ZNF516: variants seen among roughly 807,000 people sequenced by gnomAD.
The protein encoded by ZNF516 is zinc finger protein 516.
Under a neutral mutation model 79.7 loss-of-function variants are expected in ZNF516, and 19 were observed. The observed-to-expected ratio is 0.24, with a 90% CI of 0.17 to 0.35. The LOEUF (loss-of-function observed/expected upper bound fraction) is 0.35, where lower values mean the gene tolerates loss of function less well. Ranked by LOEUF, ZNF516 falls within the 10% of genes least tolerant of loss-of-function variation. The pLI, the probability that ZNF516 is intolerant of heterozygous loss-of-function variation, is 1.00. For missense variants in ZNF516, 1,678 were observed against 1,679.5 expected, an observed-to-expected ratio of 1.00 and a Z score of 0.02; for synonymous variants, 877 against 739.5, an observed-to-expected ratio of 1.19 and a Z score of -3.02.
chr18:76,424,643 C>T (rs1234691831), intron 3 of ZNF516, among the ~76,000 whole-genome samples: 5 of 129,476 alleles, frequency 3.9e-5, no homozygotes, highest in Non-Finnish European at 8.0e-5. Flanking sequence ...CCGAAACACA[C>T]GCAGGTGAAA....
intron 3 of ZNF516, among the ~76,000 whole-genome samples, chr18:76,426,802 A>G (rs1206392098): frequency 6.6e-6 from 1 of 152,248 alleles, no homozygotes; most frequent in Non-Finnish European, 1.5e-5. Flanking sequence ...AGAAAAAGCT[A>G]GGGAGCACCG....
intron 2 of ZNF516, among the ~76,000 whole-genome samples, chr18:76,449,436 C>T (rs1016026115): frequency 6.6e-6 from 1 of 152,184 alleles, no homozygotes. Context: ...TCCTGACCTC[C>T]TTCAGCCAAT....
intron 3 of ZNF516, among the ~76,000 whole-genome samples, chr18:76,395,541 C>T (rs990918605): frequency 1.3e-5 from 2 of 152,090 alleles, no homozygotes; most frequent in African/African-American, 4.8e-5. Flanking sequence ...AGAACAGTAA[C>T]GTTAAGCACA....
At chr18:76,465,469 C>T (rs971966710) in intron 1 of ZNF516, among the ~76,000 whole-genome samples, 4 of 152,330 alleles carry the variant, frequency 2.6e-5, no homozygotes, top group South Asian at 4.1e-4. Flanking sequence ...GACCCTGCGG[C>T]GTCCTTGGAC....
intron 3 of ZNF516, among the ~76,000 whole-genome samples, chr18:76,428,450 AT>A (rs1392615462): frequency 2.6e-5 from 4 of 151,982 alleles, no homozygotes; most frequent in Non-Finnish European, 4.4e-5. Flanking sequence ...TGTTGTCAGC[AT>A]GTTTACTGCA....
At chr18:76,382,143 G>C (rs1398169952) in intron 3 of ZNF516, among the ~76,000 whole-genome samples, 4 of 141,268 alleles carry the variant, frequency 2.8e-5, no homozygotes, top group Non-Finnish European at 3.2e-5. Context: ...AAAAATAACA[G>C]TAATAATGAT....
chr18:76,419,525 A>G (rs1247109406), intron 3 of ZNF516, among the ~76,000 whole-genome samples: 1 of 152,202 alleles, frequency 6.6e-6, no homozygotes, highest in East Asian at 1.9e-4. Context: ...CTGCGTCCCC[A>G]CCCAAATCTC....
At chr18:76,368,024 A>C (rs1158434295) in intron 6 of ZNF516, among the ~76,000 whole-genome samples, 1 of 152,220 alleles carries the variant, frequency 6.6e-6, no homozygotes, top group Non-Finnish European at 1.5e-5. Flanking sequence ...AAAGAATCCG[A>C]TTTAAATATT....
rs556358512 is a variant in ZNF516, at chr18:76,471,572, C to T, written c.-271-8431G>A. 2.6e-5 allele frequency among the ~76,000 whole-genome samples: 4 copies of T among 152,344 alleles called. 1 individual carries two copies. In the East Asian group the frequency reaches 7.7e-4, roughly 29 times the overall value. On this transcript the variant is annotated intron_variant, in intron 1 of 6. Coordinates refer to ENST00000443185, the MANE Select transcript of ZNF516 (RefSeq NM_014643.4). Reference sequence around the variant, plus strand: ...CGGTGGGCCCATGTGAACAGCATTTCTGGTGTCCAGAGGCCACCACTGGTG... The same window carrying T: ...CGGTGGGCCCATGTGAACAGCATTTTTGGTGTCCAGAGGCCACCACTGGTG...
intron 2 of ZNF516, among the ~76,000 whole-genome samples, chr18:76,461,161 G>A (rs181595371): frequency 3.0e-4 from 46 of 152,312 alleles, no homozygotes; most frequent in Non-Finnish European, 3.5e-4. Flanking sequence ...CAACCTGGGC[G>A]ACAGAGCCTG....
intron 3 of ZNF516, among the ~76,000 whole-genome samples, chr18:76,414,015 T>G (rs924081482): frequency 6.6e-6 from 1 of 152,222 alleles, no homozygotes; most frequent in African/African-American, 2.4e-5. Flanking sequence ...AACAAAAAGT[T>G]TTATTCTTGA....
chr18:76,460,598 A>T (rs1913039635), intron 2 of ZNF516, among the ~76,000 whole-genome samples: 1 of 152,212 alleles, frequency 6.6e-6, no homozygotes, highest in African/African-American at 2.4e-5. Context: ...AAAAACTGGG[A>T]GGAAGGTGGC....
At chr18:76,470,247 T>C (rs1772072006) in intron 1 of ZNF516, among the ~76,000 whole-genome samples, 1 of 152,196 alleles carries the variant, frequency 6.6e-6, no homozygotes, top group South Asian at 2.1e-4. Context: ...CAGTTTCCCT[T>C]TGCTTGGCGT....
At chr18:76,492,334 G>GT in intron 1 of ZNF516, 2 of 985,478 alleles carry the variant, frequency 2.0e-6, no homozygotes, top group Non-Finnish European at 2.4e-6. Flanking sequence ...CGGTGCCACA[G>GT]TAAGTCAGCT....
intron 2 of ZNF516, among the ~76,000 whole-genome samples, chr18:76,458,626 CGTGCGT>C: frequency 7.5e-6 from 1 of 132,842 alleles, no homozygotes; most frequent in Non-Finnish European, 1.7e-5. Context: ...GCCTCACCGT[CGTGCGT>C]GTGCATGCCT....
chr18:76,446,997 C>T (rs1465474396), intron 2 of ZNF516, among the ~76,000 whole-genome samples: 1 of 152,150 alleles, frequency 6.6e-6, no homozygotes, highest in Non-Finnish European at 1.5e-5. Context: ...TAAGTGATCC[C>T]CTCCTGATGT....
At chr18:76,436,423 T>C (rs2075735889) in intron 3 of ZNF516, among the ~76,000 whole-genome samples, 1 of 152,198 alleles carries the variant, frequency 6.6e-6, no homozygotes, top group African/African-American at 2.4e-5. Context: ...TGAATCGTTT[T>C]GAGCCTCTCG....
intron 1 of ZNF516, among the ~76,000 whole-genome samples, chr18:76,485,302 T>C (rs6650694): frequency 0.011 from 1,691 of 152,294 alleles, 28 homozygotes; most frequent in African/African-American, 0.038. Context: ...AATATGATTA[T>C]CAATGTGAAT....
chr18:76,358,773 T>C lies in ZNF516; in HGVS notation c.*3725A>G, dbSNP rs2074491595. 1 of 152,214 alleles carries C rather than the reference T, an allele frequency of 6.6e-6. No individual in the cohort carries two copies. Among genetic ancestry groups the C allele is most frequent in the African/African-American group, 2.4e-5 (1 of 41,432 alleles). The allele number at this position is 152,214 out of a possible 1,614,324, so 9.4% of individuals were successfully genotyped here. A position where few individuals can be genotyped will look rare whatever the true frequency, so the allele number is the denominator to read the frequency against. ...GCTGGGGGTGGCAGAGGAGGGTTTG[T>C]CTAGTTTGAAGGAAGGAATGTTGGT... On this transcript the variant is annotated 3_prime_UTR_variant, in exon 7 of 7. Coordinates refer to ENST00000443185, the MANE Select transcript of ZNF516 (RefSeq NM_014643.4).
Sources: gnomAD v4.1 joint callset for allele counts (sites outside exome capture counted in the v4.1 genomes callset) on GRCh38, gnomAD v4.1.1 for gene constraint, MANE v1.5 for transcripts, NCBI Gene and HGNC (gene_info 2026-07-23, HGNC 2026-07-21) for gene names.